Variants in ATG4C observed in about 807,000 individuals in gnomAD.
The protein encoded by ATG4C is cysteine protease ATG4C.
A neutral mutation model predicts 57.6 loss-of-function variants in ATG4C; 56 were observed. That is an observed-to-expected ratio of 0.97 (90% CI 0.78 to 1.21). The LOEUF is 1.21. Ranked by LOEUF, ATG4C falls within the 50% of genes most tolerant of loss-of-function variation. The pLI, the probability that ATG4C is intolerant of heterozygous loss-of-function variation, is 0.00. For missense variants in ATG4C, 595 were observed against 529.8 expected (o/e 1.12, Z -1.21); for synonymous variants, 157 against 174.1 (o/e 0.90, Z 0.78).
chr1:62,854,163 TATAGTAATTTTGTAATTACTATAAA>T (rs899854054), intron 10 of ATG4C, among the ~76,000 whole-genome samples: 2 of 151,714 alleles, frequency 1.3e-5, no homozygotes, highest in African/African-American at 2.4e-5. Flanking sequence ...TAGTAATTTT[TATAGTAATTTTGTAATTACTATAAA>T]ATAGTAATTT....
chr1:62,852,594 G>A (rs1666550820), intron 10 of ATG4C, among the ~76,000 whole-genome samples: 1 of 152,000 alleles, frequency 6.6e-6, no homozygotes, highest in African/African-American at 2.4e-5. Flanking sequence ...CATAGATTTT[G>A]GTTAGTCACT....
chr1:62,811,373 C>A (rs1040260782), intron 3 of ATG4C, among the ~76,000 whole-genome samples: 1 of 152,192 alleles, frequency 6.6e-6, no homozygotes, highest in East Asian at 1.9e-4. Context: ...AACTTATTTC[C>A]TTGTATTATG....
rs1553221617 is a variant in ATG4C, at chr1:62,793,618, A to AAAAAAAAAC, written c.-69+9347_-69+9348insAAAAAACAA. Among the ~76,000 whole-genome samples the AAAAAAAAAC allele has an allele frequency of 3.0e-4, 31 of 104,046 alleles. 3 individuals are homozygous for AAAAAAAAAC. The highest frequency in any genetic ancestry group is 6.4e-4 in the South Asian group (2 of 3,148). 68.3% of individuals were successfully genotyped at this position (104,046 alleles called of 152,430 possible). A position where few individuals can be genotyped will look rare whatever the true frequency, so the allele number is the denominator to read the frequency against. ...TCTCGAAAAAAAAAAAAAAAAAAAA[A>AAAAAAAAAC]AACCAAAAAAACAAACAAAAAACCA... On this transcript the variant is annotated intron_variant, in intron 1 of 10. Transcript: ENST00000317868.
chr1:62,802,776 T>C (rs113076309), intron 1 of ATG4C, among the ~76,000 whole-genome samples: 5,981 of 152,266 alleles, frequency 0.039, 423 homozygotes, highest in African/African-American at 0.14. Flanking sequence ...TTTTTTAGAC[T>C]TTTCTGTTTT....
intron 7 of ATG4C, among the ~76,000 whole-genome samples, chr1:62,831,147 A>G (rs929556456): frequency 1.3e-5 from 2 of 152,128 alleles, no homozygotes; most frequent in East Asian, 1.9e-4. Context: ...AGCAGTGACT[A>G]TTGAAACATT....
chr1:62,784,509 G>A (rs1339663253), intron 1 of ATG4C, among the ~76,000 whole-genome samples: 6 of 152,214 alleles, frequency 3.9e-5, no homozygotes, highest in Non-Finnish European at 4.4e-5. Context: ...CCTAACTGTG[G>A]GCAGCTGTTC....
chr1:62,800,522 T>C (rs1351694108), intron 1 of ATG4C, among the ~76,000 whole-genome samples: 2 of 152,226 alleles, frequency 1.3e-5, no homozygotes, highest in African/African-American at 4.8e-5. Context: ...ACATTTTTAA[T>C]GGATGCATAA....
intron 10 of ATG4C, among the ~76,000 whole-genome samples, chr1:62,861,576 A>AACACAC (rs57225222): frequency 0.011 from 1,463 of 133,452 alleles, 9 homozygotes; most frequent in Middle Eastern, 0.026. Context: ...TGGAAAATAG[A>AACACAC]ACACACACAC....
intron 10 of ATG4C, among the ~76,000 whole-genome samples, chr1:62,863,687 A>T: frequency 6.6e-6 from 1 of 151,954 alleles, no homozygotes; most frequent in Non-Finnish European, 1.5e-5. Flanking sequence ...TTACAACCTA[A>T]CTCTCTAGTA....
chr1:62,821,076 A>T, intron 5 of ATG4C, 63 bp from the exon 6 acceptor site: 1 of 1,322,100 alleles, frequency 7.6e-7, no homozygotes, highest in Non-Finnish European at 1.0e-6. Flanking sequence ...TTCTTAAATT[A>T]AATATTTAGT....
chr1:62,841,748 GA>G (rs1342578024), intron 10 of ATG4C, among the ~76,000 whole-genome samples: 1 of 152,140 alleles, frequency 6.6e-6, no homozygotes, highest in Non-Finnish European at 1.5e-5. Context: ...GTGACAAGTT[GA>G]AAGTATTGAT....
At chr1:62,850,995 G>GT (rs1432739224) in intron 10 of ATG4C, among the ~76,000 whole-genome samples, 1 of 148,782 alleles carries the variant, frequency 6.7e-6, no homozygotes, top group African/African-American at 2.5e-5. Flanking sequence ...TGTTGATTTT[G>GT]TTTCTTTTTG....
intron 10 of ATG4C, among the ~76,000 whole-genome samples, chr1:62,861,090 T>C (rs1666835875): frequency 6.6e-6 from 1 of 152,230 alleles, no homozygotes; most frequent in Non-Finnish European, 1.5e-5. Flanking sequence ...GCTGTGTTAT[T>C]ACAGTAGTAC....
chr1:62,812,834 A>G (rs1187107290), intron 3 of ATG4C, among the ~76,000 whole-genome samples: 2 of 152,172 alleles, frequency 1.3e-5, no homozygotes, highest in Non-Finnish European at 2.9e-5. Flanking sequence ...GTGATAGACA[A>G]ACAGAGAGCC....
Position 62,821,183 on chromosome 1 carries a change from CTATT to C in ATG4C, c.774_777del (p.Ile258MetfsTer13), listed in dbSNP as rs776972479. On this transcript the variant is annotated frameshift_variant, in exon 6 of 11. Transcript: ENST00000317868. LOFTEE classifies it high-confidence loss of function. ...AGGCATCCTGATTTACAAGGAATAA[CTATT>C]TATGTTGCACAAGATTGTACAGGTA... 3.2e-5 allele frequency: 51 copies of C among 1,599,160 alleles called. No homozygotes were observed. Among genetic ancestry groups the C allele is most frequent in the African/African-American group, 1.2e-4 (9 of 74,362 alleles).
chr1:62,857,156 C>G (rs897779352), intron 10 of ATG4C, among the ~76,000 whole-genome samples: 57 of 152,140 alleles, frequency 3.7e-4, no homozygotes, highest in African/African-American at 1.3e-3. Flanking sequence ...CAGTCTGTGG[C>G]CTGTTAGGAA....
chr1:62,809,568 T>C (rs1665001913), intron 3 of ATG4C, among the ~76,000 whole-genome samples: 1 of 147,016 alleles, frequency 6.8e-6, no homozygotes, highest in Non-Finnish European at 1.5e-5. Context: ...ATATATAATA[T>C]TTAATAATAT....
At chr1:62,817,011 T>C (rs1435680274) in intron 4 of ATG4C, among the ~76,000 whole-genome samples, 1 of 152,192 alleles carries the variant, frequency 6.6e-6, no homozygotes, top group East Asian at 1.9e-4. Flanking sequence ...TAAACTTCCC[T>C]GATTCCCTTT....
intron 1 of ATG4C, among the ~76,000 whole-genome samples, chr1:62,790,393 A>G (rs1049819582): frequency 3.3e-5 from 5 of 152,190 alleles, no homozygotes; most frequent in African/African-American, 1.2e-4. Flanking sequence ...TACAACACAC[A>G]TAAAATAGTT....
Sources: allele counts gnomAD v4.1 joint callset (sites outside exome capture counted in the v4.1 genomes callset), GRCh38; gene constraint gnomAD v4.1.1; transcripts MANE v1.5; gene names NCBI Gene and HGNC (gene_info 2026-07-23, HGNC 2026-07-21).